Variants in KRT80 observed in about 807,000 individuals in gnomAD.
KRT80 encodes the protein keratin, type II cytoskeletal 80.
KRT80 carries 36 observed loss-of-function variants against 51.5 expected under a neutral mutation model. The observed-to-expected ratio is 0.70, with a 90% CI of 0.54 to 0.92. The LOEUF (loss-of-function observed/expected upper bound fraction) is 0.92, where lower values mean the gene tolerates loss of function less well. Ranked by LOEUF, KRT80 falls within the 40% of genes least tolerant of loss-of-function variation. KRT80 has a pLI of 0.00. For missense variants in KRT80, 566 were observed against 591.7 expected, an observed-to-expected ratio of 0.96 and a Z score of 0.45; for synonymous variants, 235 against 248.3, an observed-to-expected ratio of 0.95 and a Z score of 0.50.
rs1941197783 is a variant in KRT80, at chr12:52,175,167, C to T, written c.667-1403G>A. 2.0e-5 allele frequency among the ~76,000 whole-genome samples: 3 copies of T among 152,290 alleles called. No homozygotes were observed. The South Asian group carries it at 6.2e-4, about 32-fold the overall frequency. Reference sequence around the variant, plus strand: ...TCAGGATCCAAACAAGGCCAGTATACTGCAGTTGGTCCATATGTCTGTAGG... The same window carrying T: ...TCAGGATCCAAACAAGGCCAGTATATTGCAGTTGGTCCATATGTCTGTAGG... On this transcript the variant is annotated intron_variant, in intron 4 of 8. Transcript: ENST00000394815.
chr12:52,181,305 A>G (rs1210842924), intron 2 of KRT80, among the ~76,000 whole-genome samples: 7 of 151,296 alleles, frequency 4.6e-5, no homozygotes, highest in African/African-American at 1.7e-4. Flanking sequence ...CCTCATCTTT[A>G]CCTGACCTCC....
intron 7 of KRT80, 59 bp from the exon 8 acceptor site, chr12:52,171,772 T>A: frequency 8.5e-7 from 1 of 1,172,230 alleles, no homozygotes; most frequent in East Asian, 2.6e-5. Context: ...AGAGAGCCTG[T>A]GGCTTAAACT....
intron 1 of KRT80, among the ~76,000 whole-genome samples, chr12:52,186,630 C>A (rs1941410781): frequency 6.6e-6 from 1 of 152,216 alleles, no homozygotes; most frequent in Admixed American, 6.5e-5. Flanking sequence ...ACCTTTTAAC[C>A]ACTATGACAC....
In KRT80 at chr12:52,173,145, G is replaced by A. The variant is rs138907521; in HGVS notation, c.850C>T (p.Arg284Cys). 5.6e-6 allele frequency: 9 copies of A among 1,610,282 alleles called. No individual in the cohort carries two copies. Among genetic ancestry groups the A allele is most frequent in the African/African-American group, 4.0e-5 (3 of 74,868 alleles). ...SRSQLEEQAA[R>C]SAEYGSSLQS... is the part of the protein sequence containing the mutation. ...AGGCTGCTCCCATACTCGGCCGAGC[G>A]GGCGGCCTGCTCCTCCAGCTGGAGG... The change falls in exon 6 of 9, where the codon CGC becomes TGC. Residue 284 changes from arginine to cysteine, a missense_variant. Physicochemically the swap from Arg to Cys is radical, Grantham distance 180. Coordinates refer to ENST00000394815, the MANE Select transcript of KRT80 (RefSeq NM_182507.3).
At chr12:52,176,315 G>A (rs576083633) in intron 4 of KRT80, among the ~76,000 whole-genome samples, 2 of 152,188 alleles carry the variant, frequency 1.3e-5, no homozygotes, top group South Asian at 2.1e-4. Flanking sequence ...GAATTAAGCC[G>A]AAGTACAGTT....
chr12:52,174,809 C>G (rs10876238), intron 4 of KRT80, among the ~76,000 whole-genome samples: 60,585 of 152,106 alleles, frequency 0.4, 12,467 homozygotes, highest in East Asian at 0.66. Context: ...CAGCCTCGCA[C>G]CTTTCTAGCC....
intron 3 of KRT80, 140 bp downstream of exon 3, chr12:52,180,763 A>G (rs757449158): frequency 3.0e-5 from 47 of 1,584,882 alleles, no homozygotes; most frequent in Non-Finnish European, 3.9e-5. Flanking sequence ...GGATGGGGGT[A>G]TCTCCCTGTC....
Position 52,171,656 on chromosome 12 carries a change from A to G in KRT80, c.1234+2T>C, listed in dbSNP as rs1024787874. On this transcript the variant is annotated splice_donor_variant, in intron 8 of 8. Transcript: ENST00000394815. LOFTEE classifies it high-confidence loss of function. Reference sequence around the variant, plus strand: ...ATGGGTTCTCGGGGCAAGAGGACTCACCGGTTTTGCACCTGGACTGCACAG... The same window carrying G: ...ATGGGTTCTCGGGGCAAGAGGACTCGCCGGTTTTGCACCTGGACTGCACAG... 3.4e-6 allele frequency: 5 copies of G among 1,483,142 alleles called. No homozygotes were observed. Among genetic ancestry groups the G allele is most frequent in the Non-Finnish European group, 4.5e-6 (5 of 1,104,692 alleles). The allele number at this position is 1,483,142 out of a possible 1,614,324, so 91.9% of individuals were successfully genotyped here.
chr12:52,171,757 TG>T (rs1330504163), intron 7 of KRT80, 44 bp from the exon 8 acceptor site: 2 of 1,314,370 alleles, frequency 1.5e-6, no homozygotes, highest in South Asian at 2.6e-5. Context: ...TATGATGGGA[TG>T]CGAAGAGAGC....
At position 52,172,228 on chromosome 12, in the gene KRT80, T is replaced by C; in HGVS notation, c.1148A>G (p.Tyr383Cys). The C allele has an allele frequency of 6.2e-7, 1 of 1,613,890 alleles. No homozygotes were observed. Among genetic ancestry groups the C allele is most frequent in the Non-Finnish European group, 8.5e-7 (1 of 1,179,994 alleles). The change falls in exon 7 of 9, where the codon TAC becomes TGC. Residue 383 changes from tyrosine (Y) to cysteine (C), a missense_variant. Transcript: ENST00000394815. ...KLALDIEIAT[Y>C]RKLVEGEEGR... ...CTCCTCGCCCTCCACCAGCTTCCTG[T>C]AGGTGGCGATCTCGATGTCCAGGGC...
intron 4 of KRT80, among the ~76,000 whole-genome samples, chr12:52,175,308 C>T (rs1941199789): frequency 6.6e-6 from 1 of 152,168 alleles, no homozygotes. Flanking sequence ...TACCCTGTGC[C>T]AATGTTCAAC....
chr12:52,186,122 G>A (rs1476936043), intron 1 of KRT80, among the ~76,000 whole-genome samples: 1 of 151,856 alleles, frequency 6.6e-6, no homozygotes. Context: ...CTGCCTGCGC[G>A]GTCCTCTCCT....
chr12:52,191,718 G>A lies in KRT80; in HGVS notation c.185C>T (p.Pro62Leu). The A allele has an allele frequency of 6.2e-7, 1 of 1,613,874 alleles. No homozygotes were observed. The highest frequency in any genetic ancestry group is 1.1e-5 in the South Asian group (1 of 91,074). Residue 62 changes from proline (P) to leucine (L), a missense_variant, in exon 1 of 9, where the codon CCC (proline) becomes CTC (leucine). Physicochemically the swap from Pro to Leu is moderately conservative, Grantham distance 98 (BLOSUM62 -3). Coordinates refer to ENST00000394815, the MANE Select transcript of KRT80 (RefSeq NM_182507.3). ...AGTISKVTVNPGLLVPLDVKL... is the reference protein window; with the variant it reads ...AGTISKVTVNLGLLVPLDVKL... ...GACATCCAGGGGCACCAGCAGGCCG[G>A]GGTTCACAGTCACCTTGGAGATAGT... is the stretch of plus-strand genomic sequence containing the variant.
intron 4 of KRT80, among the ~76,000 whole-genome samples, chr12:52,174,404 G>A (rs923023938): frequency 6.6e-6 from 1 of 152,234 alleles, no homozygotes; most frequent in African/African-American, 2.4e-5. Flanking sequence ...GAGCCTGGGC[G>A]CAGCCTCCAG....
In KRT80 at chr12:52,191,592, C is replaced by T; in HGVS notation, c.300+11G>A. ...AGCCCTTCATGTTTGGGACCCCCTA[C>T]TTGTGCTCACCTTGCCAATTAGGGA... On this transcript the variant is annotated intron_variant, in intron 1 of 8. Coordinates refer to ENST00000394815, the MANE Select transcript of KRT80 (RefSeq NM_182507.3). The T allele has an allele frequency of 6.4e-7, 1 of 1,567,266 alleles. No homozygotes were observed.
intron 1 of KRT80, among the ~76,000 whole-genome samples, chr12:52,186,307 C>T (rs1941403167): frequency 6.6e-6 from 1 of 152,092 alleles, no homozygotes; most frequent in East Asian, 1.9e-4. Flanking sequence ...TTCCCTCTTC[C>T]CTCCAGCACT....
At position 52,171,492 on chromosome 12, in the gene KRT80, G is replaced by A; in HGVS notation, c.1265C>T (p.Pro422Leu). 6 of 1,613,312 alleles carry A rather than the reference G, an allele frequency of 3.7e-6. No homozygotes were observed. The highest frequency in any genetic ancestry group is 1.3e-5 in the African/African-American group (1 of 74,954). Residue 422 changes from proline (P) to leucine (L), a missense_variant, in exon 9 of 9, where the codon CCC becomes CTC. Physicochemically the swap from Pro to Leu is moderately conservative, Grantham distance 98. Coordinates refer to ENST00000394815, the MANE Select transcript of KRT80 (RefSeq NM_182507.3). ...AASRSGLSKAPSRKKKGSKGP... is the reference protein window; with the variant it reads ...AASRSGLSKALSRKKKGSKGP... ...TTTGCTGCCCTTCTTCTTTCGGGAG[G>A]GGGCCTTGGAGAGGCCTGATCTGGA...
chr12:52,188,423 ACTC>A (rs1301488288), intron 1 of KRT80, among the ~76,000 whole-genome samples: 1 of 151,772 alleles, frequency 6.6e-6, no homozygotes, highest in Non-Finnish European at 1.5e-5. Flanking sequence ...CTAAACTGGA[ACTC>A]CTGGAGGGAG....
chr12:52,175,053 C>T (rs1941196157), intron 4 of KRT80, among the ~76,000 whole-genome samples: 1 of 152,136 alleles, frequency 6.6e-6, no homozygotes, highest in African/African-American at 2.4e-5. Context: ...ATTCAGAGTC[C>T]ACCCTGACCC....
Sources: gnomAD v4.1 joint callset for allele counts (sites outside exome capture counted in the v4.1 genomes callset) on GRCh38, gnomAD v4.1.1 for gene constraint, MANE v1.5 for transcripts, NCBI Gene and HGNC (gene_info 2026-07-23, HGNC 2026-07-21) for gene names.